Variants in STX8 observed in about 807,000 individuals in gnomAD.
STX8 encodes syntaxin-8.
STX8 carries 23 observed loss-of-function variants against 37.5 expected under a neutral mutation model. The observed-to-expected ratio is 0.61, with a 90% CI of 0.44 to 0.87. The LOEUF is 0.87. Ranked by LOEUF, STX8 falls within the 40% of genes least tolerant of loss-of-function variation. The pLI, the probability that STX8 is intolerant of heterozygous loss-of-function variation, is 0.00. For missense variants in STX8, 313 were observed against 284.7 expected (o/e 1.10, Z -0.71); for synonymous variants, 115 against 99.1 (o/e 1.16, Z -0.95).
chr17:9,365,992 A>AAG (rs1192961756), intron 7 of STX8, among the ~76,000 whole-genome samples: 1 of 151,968 alleles, frequency 6.6e-6, no homozygotes, highest in Middle Eastern at 3.2e-3. Context: ...CAAAAACAAA[A>AAG]AGAGAGAGAG....
At chr17:9,403,311 G>C (rs1912690271) in intron 6 of STX8, among the ~76,000 whole-genome samples, 1 of 152,216 alleles carries the variant, frequency 6.6e-6, no homozygotes, top group South Asian at 2.1e-4. Flanking sequence ...AATTACTTTA[G>C]AGAAAAGGGC....
intron 6 of STX8, among the ~76,000 whole-genome samples, chr17:9,399,347 G>A (rs1213043153): frequency 6.6e-6 from 1 of 152,114 alleles, no homozygotes; most frequent in Non-Finnish European, 1.5e-5. Context: ...CCTTAGGCTG[G>A]CATGTGAGGC....
At chr17:9,534,737 G>A (rs963526284) in intron 4 of STX8, among the ~76,000 whole-genome samples, 28 of 151,938 alleles carry the variant, frequency 1.8e-4, no homozygotes, top group African/African-American at 6.0e-4. Context: ...GCAGTCAGCC[G>A]AGATTGCGCC....
intron 7 of STX8, among the ~76,000 whole-genome samples, chr17:9,274,313 C>A (rs1244126178): frequency 6.6e-6 from 1 of 151,888 alleles, no homozygotes; most frequent in East Asian, 1.9e-4. Flanking sequence ...TAACTTCCTG[C>A]AGTAAAAAAA....
chr17:9,521,619 G>GAATATCTTCTATGTATCAGGCACT (rs1905341314), intron 4 of STX8, among the ~76,000 whole-genome samples: 1 of 152,058 alleles, frequency 6.6e-6, no homozygotes, highest in Admixed American at 6.6e-5. Flanking sequence ...GACAAACACT[G>GAATATCTTCTATGTATCAGGCACT]AATATCTTCT....
intron 7 of STX8, among the ~76,000 whole-genome samples, chr17:9,273,772 C>T (rs988827207): frequency 7.9e-5 from 12 of 152,216 alleles, no homozygotes; most frequent in African/African-American, 1.7e-4. Flanking sequence ...TCTGCCTTGG[C>T]GATTTCCCAC....
chr17:9,390,522 CAA>C (rs1161307121), intron 6 of STX8, among the ~76,000 whole-genome samples: 3 of 115,472 alleles, frequency 2.6e-5, no homozygotes, highest in African/African-American at 3.3e-5. Flanking sequence ...AACTCCGTCT[CAA>C]AAAAAAAAAA....
At chr17:9,448,451 T>C (rs891298967) in intron 6 of STX8, among the ~76,000 whole-genome samples, 5 of 152,198 alleles carry the variant, frequency 3.3e-5, no homozygotes, top group African/African-American at 1.2e-4. Flanking sequence ...ATTTCTGTTG[T>C]TGCTTGTTGT....
At chr17:9,387,506 G>C (rs1421650454) in intron 6 of STX8, among the ~76,000 whole-genome samples, 1 of 152,216 alleles carries the variant, frequency 6.6e-6, no homozygotes, top group Non-Finnish European at 1.5e-5. Flanking sequence ...TGTTAGCCAA[G>C]ATGGTCTCGA....
At chr17:9,271,941 C>T (rs1459980285) in intron 7 of STX8, among the ~76,000 whole-genome samples, 2 of 152,230 alleles carry the variant, frequency 1.3e-5, no homozygotes, top group Non-Finnish European at 2.9e-5. Flanking sequence ...GGATAATGGG[C>T]CAGGGCTCCC....
At chr17:9,403,095 G>C (rs1228938319) in intron 6 of STX8, among the ~76,000 whole-genome samples, 1 of 152,110 alleles carries the variant, frequency 6.6e-6, no homozygotes, top group Non-Finnish European at 1.5e-5. Flanking sequence ...GTGGTACAGG[G>C]ACACTCCATA....
At chr17:9,431,628 G>A (rs1360643380) in intron 6 of STX8, among the ~76,000 whole-genome samples, 1 of 152,154 alleles carries the variant, frequency 6.6e-6, no homozygotes, top group Non-Finnish European at 1.5e-5. Flanking sequence ...AGAGAACACA[G>A]TCATGACACT....
At chr17:9,295,158 A>G (rs1204373024) in intron 7 of STX8, among the ~76,000 whole-genome samples, 1 of 152,212 alleles carries the variant, frequency 6.6e-6, no homozygotes, top group East Asian at 1.9e-4. Context: ...ACACTAATTT[A>G]TATTTGAAAA....
intron 4 of STX8, among the ~76,000 whole-genome samples, chr17:9,516,900 G>A (rs564805838): frequency 1.2e-4 from 19 of 152,102 alleles, no homozygotes; most frequent in African/African-American, 4.6e-4. Context: ...CAAACTAAGT[G>A]GGCCAATGGT....
At chr17:9,282,380 C>T (rs1306204465) in intron 7 of STX8, among the ~76,000 whole-genome samples, 1 of 152,264 alleles carries the variant, frequency 6.6e-6, no homozygotes. Context: ...GTGATTCACT[C>T]GCCTCAGCCT....
intron 6 of STX8, among the ~76,000 whole-genome samples, chr17:9,400,320 C>T (rs1355463548): frequency 6.6e-6 from 1 of 151,956 alleles, no homozygotes; most frequent in Non-Finnish European, 1.5e-5. Flanking sequence ...CCAGGATGGT[C>T]TCGATCTCCT....
chr17:9,301,587 A>G (rs1908786297), intron 7 of STX8, among the ~76,000 whole-genome samples: 1 of 150,840 alleles, frequency 6.6e-6, no homozygotes, highest in Non-Finnish European at 1.5e-5. Flanking sequence ...CGTTCACGCC[A>G]TTCTCCTGCT....
At chr17:9,459,433 C>T (rs1023855681) in intron 6 of STX8, among the ~76,000 whole-genome samples, 2 of 152,194 alleles carry the variant, frequency 1.3e-5, no homozygotes, top group Non-Finnish European at 2.9e-5. Context: ...CCAGCTGCTG[C>T]CTCAGGGAAA....
At chr17:9,308,651 A>G (rs1031380577) in intron 7 of STX8, among the ~76,000 whole-genome samples, 20 of 140,958 alleles carry the variant, frequency 1.4e-4, no homozygotes, top group African/African-American at 5.3e-4. Context: ...TGAACCTGGG[A>G]GGCAGAGGTT....
Sources: allele counts gnomAD v4.1 joint callset (sites outside exome capture counted in the v4.1 genomes callset), GRCh38; gene constraint gnomAD v4.1.1; transcripts MANE v1.5; gene names NCBI Gene and HGNC (gene_info 2026-07-23, HGNC 2026-07-21).